The following SPATA6L variants were observed in gnomAD, a reference collection of about 807,000 sequenced individuals.
SPATA6L encodes spermatogenesis associated 6 like.
In SPATA6L, 68 loss-of-function variants were observed where a neutral mutation model predicts 49.2. The observed-to-expected ratio is 1.38, with a 90% confidence interval of 1.14 to 1.69. SPATA6L has a LOEUF of 1.69. Among genes scored for constraint, SPATA6L ranks in the 40% most tolerant of loss-of-function variants. The pLI is 0.00. For missense variants in SPATA6L, 668 were observed against 464.3 expected (o/e 1.44, Z -4.03); for synonymous variants, 198 against 165.7 (o/e 1.19, Z -1.50).
intron 9 of SPATA6L, among the ~76,000 whole-genome samples, chr9:4,606,645 C>A (rs1356896740): frequency 2.7e-5 from 2 of 74,010 alleles, no homozygotes; most frequent in East Asian, 3.3e-4. Context: ...CCCATCTGTA[C>A]ATCACCATCA....
chr9:4,643,469 A>C (rs1263970292), intron 3 of SPATA6L, among the ~76,000 whole-genome samples: 1 of 152,188 alleles, frequency 6.6e-6, no homozygotes, highest in Non-Finnish European at 1.5e-5. Context: ...TTATTTGTAA[A>C]TATACCAAGA....
At chr9:4,615,301 C>T (rs1315120359) in intron 9 of SPATA6L, among the ~76,000 whole-genome samples, 1 of 152,104 alleles carries the variant, frequency 6.6e-6, no homozygotes, top group African/African-American at 2.4e-5. Context: ...TGCTAGGTTG[C>T]AAGTTTTCAG....
At chr9:4,657,559 A>G in intron 2 of SPATA6L, among the ~76,000 whole-genome samples, 1 of 149,428 alleles carries the variant, frequency 6.7e-6, no homozygotes, top group East Asian at 1.9e-4. Context: ...AGAAAAAGAA[A>G]AGAAAAAAAA....
At chr9:4,635,088 C>A (rs961661719) in intron 4 of SPATA6L, among the ~76,000 whole-genome samples, 187 bp downstream of exon 4, 8 of 152,192 alleles carry the variant, frequency 5.3e-5, no homozygotes, top group Admixed American at 2.6e-4. Flanking sequence ...GATAAAACTT[C>A]CACCTCTCAG....
intron 3 of SPATA6L, among the ~76,000 whole-genome samples, chr9:4,651,472 A>G (rs1836834026): frequency 6.6e-6 from 1 of 152,226 alleles, no homozygotes; most frequent in Admixed American, 6.5e-5. Context: ...AACAGAGAAG[A>G]GGACAGAACA....
chr9:4,635,637 A>T (rs980867146), intron 3 of SPATA6L, among the ~76,000 whole-genome samples: 2 of 152,252 alleles, frequency 1.3e-5, no homozygotes, highest in Non-Finnish European at 2.9e-5. Flanking sequence ...TCTACAAAAT[A>T]GAACAAAAAG....
At chr9:4,624,029 A>G (rs575739035) in intron 6 of SPATA6L, among the ~76,000 whole-genome samples, 51 of 152,360 alleles carry the variant, frequency 3.3e-4, no homozygotes, top group African/African-American at 1.1e-3. Context: ...ACATACAGTT[A>G]TCTCAACAGC....
chr9:4,666,132 G>A (rs1449614122), intron 1 of SPATA6L, 80 bp downstream of exon 1: 8 of 1,273,636 alleles, frequency 6.3e-6, no homozygotes, highest in Non-Finnish European at 8.0e-6. Flanking sequence ...GGGGGATGTG[G>A]GGGAGGGTTG....
At chr9:4,665,998 GA>G (rs201157887) in intron 1 of SPATA6L, among the ~76,000 whole-genome samples, 16,813 of 141,110 alleles carry the variant, frequency 0.12, 1,459 homozygotes, top group East Asian at 0.39. Context: ...CTTTAGAACA[GA>G]AAAAAAAAAA....
intron 5 of SPATA6L, chr9:4,627,370 C>T (rs1830550523): frequency 6.2e-6 from 1 of 162,222 alleles, no homozygotes; most frequent in Non-Finnish European, 1.4e-5. Flanking sequence ...TCATTGGTCT[C>T]CCATTATATG....
At chr9:4,620,888 T>C (rs1829137425) in intron 7 of SPATA6L, among the ~76,000 whole-genome samples, 1 of 152,204 alleles carries the variant, frequency 6.6e-6, no homozygotes, top group Admixed American at 6.5e-5. Flanking sequence ...TGCTGCTTTA[T>C]AAGCTACACA....
chr9:4,623,630 A>G (rs1340326007), intron 6 of SPATA6L, among the ~76,000 whole-genome samples: 1 of 152,230 alleles, frequency 6.6e-6, no homozygotes, highest in South Asian at 2.1e-4. Context: ...CTAAATAAAA[A>G]AATTAAATAT....
At chr9:4,636,095 G>A (rs4740795) in intron 3 of SPATA6L, among the ~76,000 whole-genome samples, 34,408 of 151,638 alleles carry the variant, frequency 0.23, 5,860 homozygotes, top group African/African-American at 0.45. Flanking sequence ...TAACTATGTT[G>A]CATGTAAACA....
intron 4 of SPATA6L, among the ~76,000 whole-genome samples, chr9:4,634,100 TTTC>T (rs1832252644): frequency 6.6e-6 from 1 of 152,198 alleles, no homozygotes; most frequent in African/African-American, 2.4e-5. Flanking sequence ...AGAAAGTTTG[TTTC>T]TTTTTATCTT....
intron 9 of SPATA6L, among the ~76,000 whole-genome samples, chr9:4,607,457 C>G (rs919667402): frequency 3.1e-4 from 47 of 152,208 alleles, no homozygotes; most frequent in African/African-American, 1.1e-3. Flanking sequence ...TGGCAGAAAC[C>G]CTACAAGCCA....
At position 4,600,483 on chromosome 9, in the gene SPATA6L, C is replaced by CAGAGAGAGAGAGAGAGAGAG. The variant is rs369628564; in HGVS notation, c.*327_*328insCTCTCTCTCTCTCTCTCTCT. ...TTTGAGAGAGAGAGACAGAGAGAGC[C>CAGAGAGAGAGAGAGAGAGAG]AGAGAGAGCCAGAGAGAGAGAGAGG... On this transcript the variant is annotated 3_prime_UTR_variant, in exon 12 of 12. Transcript: ENST00000682582. The CAGAGAGAGAGAGAGAGAGAG allele has an allele frequency of 5.1e-5, 1 of 19,440 alleles. No individual in the cohort carries two copies. The highest frequency in any genetic ancestry group is 1.7e-4 in the Non-Finnish European group (1 of 6,024). The allele number at this position is 19,440 out of a possible 1,614,324, so 1.2% of individuals were successfully genotyped here. A position where few individuals can be genotyped will look rare whatever the true frequency, so the allele number is the denominator to read the frequency against.
At chr9:4,605,560 A>T in intron 9 of SPATA6L, 120 bp from the exon 10 acceptor site, 1 of 657,744 alleles carries the variant, frequency 1.5e-6, no homozygotes, top group East Asian at 2.7e-5. Context: ...CAGCATGCAA[A>T]ATGGTAAACA....
rs371368902 is a variant in SPATA6L at position 4,618,867 on chromosome 9, T to C, written c.804A>G (p.Val268=). Residue 268 remains valine, a synonymous_variant, in exon 8 of 12, where the codon GTA becomes GTG. Transcript: ENST00000682582. ...ASSLDSLAAN[V]KVIKEPDERI... ...CAAATTCTACTTCTAAAATTACCTTTACGTTAGCTGCAAGGCTGTCAAGAG... is the reference window on the plus strand; with the variant it reads ...CAAATTCTACTTCTAAAATTACCTTCACGTTAGCTGCAAGGCTGTCAAGAG... 4.3e-6 allele frequency: 7 copies of C among 1,612,540 alleles called. No homozygotes were observed. In the African/African-American group the frequency reaches 9.4e-5, roughly 22 times the overall value.
At chr9:4,607,198 G>C (rs1825490274) in intron 9 of SPATA6L, among the ~76,000 whole-genome samples, 1 of 151,824 alleles carries the variant, frequency 6.6e-6, no homozygotes, top group Non-Finnish European at 1.5e-5. Flanking sequence ...GGGGAGAATG[G>C]AACCAAGTTG....
Sources: allele counts gnomAD v4.1 joint callset (sites outside exome capture counted in the v4.1 genomes callset), GRCh38; gene constraint gnomAD v4.1.1; transcripts MANE v1.5; gene names NCBI Gene and HGNC (gene_info 2026-07-23, HGNC 2026-07-21).